HSD11B1: variants seen among roughly 807,000 people sequenced by gnomAD.
HSD11B1 encodes the protein hydroxysteroid 11-beta dehydrogenase 1.
HSD11B1 carries 15 observed loss-of-function variants against 22.1 expected under a neutral mutation model. That is an observed-to-expected ratio of 0.68 (90% CI 0.45 to 1.04). The LOEUF (loss-of-function observed/expected upper bound fraction) is 1.04. Among genes scored for constraint, HSD11B1 ranks in the 50% least tolerant of loss-of-function variants. The pLI, the probability that HSD11B1 is intolerant of heterozygous loss-of-function variation, is 0.00. For synonymous variants in HSD11B1, 122 were observed against 125.2 expected (o/e 0.97, Z 0.17); for missense variants, 281 against 357.6 (o/e 0.79, Z 1.73).
upstream of HSD11B1, among the ~76,000 whole-genome samples, chr1:209,701,695 A>AG (rs1469045217): frequency 5.9e-5 from 9 of 152,222 alleles, no homozygotes; most frequent in Admixed American, 1.3e-4. Flanking sequence ...AAAGCACTAC[A>AG]GCTGCCACCT....
chr1:209,703,080 T>C (rs1427600020), upstream of HSD11B1, among the ~76,000 whole-genome samples: 2 of 152,244 alleles, frequency 1.3e-5, no homozygotes, highest in Non-Finnish European at 2.9e-5. Flanking sequence ...TGCATTTGCT[T>C]TGTGTTCTAT....
chr1:209,734,794 A>C lies in HSD11B1; in HGVS notation c.*273A>C. ...TAGTTATATTAAATTTATATCTTATATATAATAATATGTGATGATTAATAC... is the reference window on the plus strand; with the variant it reads ...TAGTTATATTAAATTTATATCTTATCTATAATAATATGTGATGATTAATAC... On this transcript the variant is annotated 3_prime_UTR_variant, in exon 6 of 6. Coordinates refer to ENST00000367027, the MANE Select transcript of HSD11B1 (RefSeq NM_005525.4). 4.9e-6 allele frequency: 1 copy of C among 204,740 alleles called. No homozygotes were observed. The highest frequency in any genetic ancestry group is 1.0e-5 in the Non-Finnish European group (1 of 100,110). 12.7% of individuals were successfully genotyped at this position (204,740 alleles called of 1,614,324 possible). A position where few individuals can be genotyped will look rare whatever the true frequency, so the allele number is the denominator to read the frequency against.
At chr1:209,688,496 C>G (rs1021793940) in intron 1 of HSD11B1, among the ~76,000 whole-genome samples, 1 of 152,134 alleles carries the variant, frequency 6.6e-6, no homozygotes, top group South Asian at 2.1e-4. Flanking sequence ...GTATTCCCAG[C>G]GCCTAGCACA....
intron 1 of HSD11B1, 114 bp downstream of exon 1, chr1:209,705,144 G>A (rs1446215939): frequency 3.5e-6 from 3 of 851,400 alleles, no homozygotes; most frequent in African/African-American, 3.3e-5. Context: ...GAAAATGAGG[G>A]AACCCTGAGT....
chr1:209,694,764 T>C lies in HSD11B1; in HGVS notation c.-49+8479T>C, dbSNP rs528795466. ...CCATGAGGCTTTTGTTTCATACTTA[T>C]GCTTTATACGTTATTCATGTTTTCC... On this transcript the variant is annotated intron_variant, in intron 1 of 6. Coordinates refer to the HSD11B1 transcript ENST00000261465. Among the ~76,000 whole-genome samples, 17 of 152,380 alleles carry C rather than the reference T, an allele frequency of 1.1e-4. No homozygotes were observed. In the East Asian group the frequency reaches 3.3e-3, roughly 29 times the overall value.
chr1:209,713,771 GAAT>G (rs1188398582), intron 4 of HSD11B1, among the ~76,000 whole-genome samples: 2 of 152,078 alleles, frequency 1.3e-5, no homozygotes, highest in Non-Finnish European at 2.9e-5. Flanking sequence ...ATTATTTAAG[GAAT>G]AATGACAAGA....
upstream of HSD11B1, among the ~76,000 whole-genome samples, chr1:209,700,548 A>T (rs1184327797): frequency 6.6e-6 from 1 of 152,198 alleles, no homozygotes; most frequent in Non-Finnish European, 1.5e-5. Flanking sequence ...AGGGGCTGCC[A>T]TGAAGGTCTC....
In HSD11B1 at chr1:209,707,046, C is replaced by T. The variant is rs746957909; in HGVS notation, c.435C>T (p.Leu145=). Residue 145 remains leucine (L), a synonymous_variant, in exon 4 of 6, where the codon CTC becomes CTT. Transcript: ENST00000367027. ...HVRKSMEVNF[L]SYVVLTVAAL... ...GCAAAAGCATGGAAGTCAACTTCCTCAGTTACGTGGTCCTGACTGTAGCTG... is the reference window on the plus strand; with the variant it reads ...GCAAAAGCATGGAAGTCAACTTCCTTAGTTACGTGGTCCTGACTGTAGCTG... 16 of 1,613,890 alleles carry T rather than the reference C, an allele frequency of 9.9e-6. No homozygotes were observed. In the South Asian group the frequency reaches 1.8e-4, roughly 18 times the overall value.
chr1:209,690,685 G>A (rs1170187312), intron 1 of HSD11B1, among the ~76,000 whole-genome samples: 1 of 151,822 alleles, frequency 6.6e-6, no homozygotes, highest in African/African-American at 2.4e-5. Flanking sequence ...CGACAAGAGT[G>A]GAATTCTGTC....
At chr1:209,718,175 C>T (rs932328394) in intron 4 of HSD11B1, among the ~76,000 whole-genome samples, 1 of 151,940 alleles carries the variant, frequency 6.6e-6, no homozygotes, top group Non-Finnish European at 1.5e-5. Flanking sequence ...TTCTAATGTT[C>T]GATAGTAGAG....
At chr1:209,727,674 G>A (rs140605015) in intron 4 of HSD11B1, among the ~76,000 whole-genome samples, 22 of 152,276 alleles carry the variant, frequency 1.4e-4, no homozygotes, top group African/African-American at 5.3e-4. Flanking sequence ...TTTGAATCCT[G>A]CTTCTCCCAC....
At chr1:209,724,138 G>A (rs984690045) in intron 4 of HSD11B1, 3 of 152,274 alleles carry the variant, frequency 2.0e-5, no homozygotes, top group Non-Finnish European at 4.4e-5. Flanking sequence ...CTGGATTTCA[G>A]GTCCACCTAC....
intron 4 of HSD11B1, among the ~76,000 whole-genome samples, chr1:209,728,613 T>G (rs747756628): frequency 3.9e-5 from 6 of 152,196 alleles, no homozygotes; most frequent in Non-Finnish European, 7.3e-5. Flanking sequence ...GAAGTCCAGA[T>G]GTAGGGCAGG....
chr1:209,731,599 G>T (rs1367441140), intron 4 of HSD11B1, among the ~76,000 whole-genome samples: 1 of 152,168 alleles, frequency 6.6e-6, no homozygotes, highest in Non-Finnish European at 1.5e-5. Context: ...ATTAATAATA[G>T]TTTATCCTAT....
chr1:209,698,770 T>C (rs2076808541), intron 1 of HSD11B1, among the ~76,000 whole-genome samples: 1 of 152,180 alleles, frequency 6.6e-6, no homozygotes, highest in Non-Finnish European at 1.5e-5. Flanking sequence ...TTTTTGATTA[T>C]AAAAAGAACT....
upstream of HSD11B1, among the ~76,000 whole-genome samples, chr1:209,699,906 C>A (rs1029802258): frequency 2.0e-5 from 3 of 152,190 alleles, no homozygotes; most frequent in African/African-American, 7.2e-5. Flanking sequence ...GGCAGTCAAA[C>A]TTTAAAGCTC....
At chr1:209,697,752 G>C (rs1304840136) in intron 1 of HSD11B1, among the ~76,000 whole-genome samples, 2 of 152,026 alleles carry the variant, frequency 1.3e-5, no homozygotes, top group Non-Finnish European at 2.9e-5. Context: ...AGAATGTTTT[G>C]TCCACACCTG....
chr1:209,687,226 C>T (rs1429933221), intron 1 of HSD11B1, among the ~76,000 whole-genome samples: 1 of 152,218 alleles, frequency 6.6e-6, no homozygotes, highest in Non-Finnish European at 1.5e-5. Flanking sequence ...AGTCCAACTC[C>T]TCTGACTTTT....
At chr1:209,691,255 C>A (rs539776032) in intron 1 of HSD11B1, among the ~76,000 whole-genome samples, 1 of 152,166 alleles carries the variant, frequency 6.6e-6, no homozygotes, top group East Asian at 1.9e-4. Flanking sequence ...CAAGGACAAG[C>A]GGATGGGGCT....
Sources: gnomAD v4.1 joint callset for allele counts (sites outside exome capture counted in the v4.1 genomes callset) on GRCh38, gnomAD v4.1.1 for gene constraint, MANE v1.5 for transcripts, NCBI Gene and HGNC (gene_info 2026-07-23, HGNC 2026-07-21) for gene names.